The following ATRN variants were observed in gnomAD, a reference collection of about 807,000 sequenced individuals.
ATRN encodes attractin-2.
In ATRN, 54 loss-of-function variants were observed where a neutral mutation model predicts 178.7. That is an observed-to-expected ratio of 0.30 (90% CI 0.24 to 0.38). The LOEUF (loss-of-function observed/expected upper bound fraction) is 0.38. Ranked by LOEUF, ATRN falls within the 10% of genes least tolerant of loss-of-function variation. The pLI is 1.00. For missense variants in ATRN, 1,443 were observed against 1,815.1 expected (o/e 0.79, Z 3.73); for synonymous variants, 636 against 663.0 (o/e 0.96, Z 0.63).
In ATRN at chr20:3,545,824, G is replaced by A; in HGVS notation, c.671G>A (p.Gly224Asp). The A allele has an allele frequency of 1.2e-6, 2 of 1,614,088 alleles. No individual in the cohort carries two copies. The highest frequency in any genetic ancestry group is 4.5e-5 in the East Asian group (2 of 44,872). The change falls in exon 4 of 29, where the codon GGT becomes GAT. Residue 224 changes from glycine (G) to aspartate (D), a missense_variant. Transcript: ENST00000262919. Reference protein sequence around the residue: ...ETVPEVVATSGYALLHFFSDA... With the variant: ...ETVPEVVATSDYALLHFFSDA... ...GTCCCTGAGGTTGTTGCCACATCAG[G>A]TTATGCCTTGCTGCATTTTTTTAGT...
chr20:3,608,418 TG>T (rs2086708166), intron 24 of ATRN, among the ~76,000 whole-genome samples: 1 of 152,218 alleles, frequency 6.6e-6, no homozygotes, highest in Admixed American at 6.5e-5. Flanking sequence ...GTTATTTTTC[TG>T]CACGTGGATA....
At chr20:3,583,046 G>C (rs1013584855) in intron 16 of ATRN, among the ~76,000 whole-genome samples, 6 of 152,214 alleles carry the variant, frequency 3.9e-5, no homozygotes, top group Admixed American at 3.9e-4. Flanking sequence ...TGGGAGGCTG[G>C]ACTCCATTTG....
chr20:3,577,405 C>T (rs1458370908), intron 14 of ATRN, among the ~76,000 whole-genome samples: 1 of 152,114 alleles, frequency 6.6e-6, no homozygotes, highest in African/African-American at 2.4e-5. Flanking sequence ...TGGGCCTTCT[C>T]TGAGAAGGAG....
At chr20:3,527,180 A>G (rs964735819) in intron 1 of ATRN, among the ~76,000 whole-genome samples, 2 of 152,232 alleles carry the variant, frequency 1.3e-5, no homozygotes, top group Admixed American at 6.5e-5. Context: ...CAATCTATCC[A>G]TCTGACAAAG....
intron 11 of ATRN, among the ~76,000 whole-genome samples, chr20:3,568,985 A>C (rs1411436321): frequency 6.6e-6 from 1 of 152,198 alleles, no homozygotes; most frequent in East Asian, 1.9e-4. Context: ...TAGTTGAAAC[A>C]AGAAGGGAGA....
rs182127909 is a variant in ATRN, at chr20:3,556,611, G to A, written c.1113-2782G>A. ...GAAGACATCTTTTTCTGAATTTCTG[G>A]AATCTATCTTTGCTTATTTGCTTGC... On this transcript the variant is annotated intron_variant, in intron 6 of 28. Coordinates refer to ENST00000262919, the MANE Select transcript of ATRN (RefSeq NM_139321.3). Among the ~76,000 whole-genome samples, 338 of 152,230 alleles carry A rather than the reference G, an allele frequency of 2.2e-3. 2 individuals carry two copies. The highest frequency in any genetic ancestry group is 7.8e-3 in the African/African-American group (325 of 41,542).
chr20:3,535,327 T>C lies in ATRN; in HGVS notation c.485T>C (p.Ile162Thr). The C allele has an allele frequency of 2.0e-6, 3 of 1,536,962 alleles. No individual in the cohort carries two copies. Among genetic ancestry groups the C allele is most frequent in the South Asian group, 1.3e-5 (1 of 79,832 alleles). ...TACAAAACGAAGTGCACGTGGCTCATTGAAGGACAGTAAGTAGAAATGGCT... is the reference window on the plus strand; with the variant it reads ...TACAAAACGAAGTGCACGTGGCTCACTGAAGGACAGTAAGTAGAAATGGCT... Reference protein sequence around the residue: ...YKYKTKCTWLIEGQPNRIMRL... With the variant: ...YKYKTKCTWLTEGQPNRIMRL... The change falls in exon 2 of 29, where the codon ATT (isoleucine) becomes ACT (threonine). Residue 162 changes from isoleucine (I) to threonine (T), a missense_variant. By Grantham distance (89) the Ile-to-Thr change is moderately conservative. Coordinates refer to ENST00000262919, the MANE Select transcript of ATRN (RefSeq NM_139321.3).
intron 1 of ATRN, among the ~76,000 whole-genome samples, chr20:3,527,930 GC>G (rs1415362232): frequency 6.0e-5 from 9 of 150,486 alleles, no homozygotes; most frequent in African/African-American, 2.0e-4. Flanking sequence ...AGGGTGGGGG[GC>G]TAGGGGAGGG....
chr20:3,596,468 A>G (rs2086530577), intron 21 of ATRN, 39 bp downstream of exon 21: 3 of 1,569,180 alleles, frequency 1.9e-6, no homozygotes, highest in Non-Finnish European at 1.8e-6. Context: ...GAAGCAAAGT[A>G]GTTCAGTAAA....
chr20:3,615,463 C>T (rs992525883), intron 24 of ATRN, among the ~76,000 whole-genome samples: 5 of 151,372 alleles, frequency 3.3e-5, no homozygotes, highest in African/African-American at 9.7e-5. Context: ...TATGATGAAA[C>T]CCACAAGGCT....
At chr20:3,522,965 C>G (rs186408075) in intron 1 of ATRN, among the ~76,000 whole-genome samples, 1 of 152,122 alleles carries the variant, frequency 6.6e-6, no homozygotes, top group African/African-American at 2.4e-5. Context: ...GAAAAACCAG[C>G]GCAAAAAGGC....
Position 3,584,787 on chromosome 20 carries a change from G to T in ATRN, c.3091G>T (p.Ala1031Ser). The stretch of plus-strand genomic sequence containing the variant: ...AGGACCAGTGAAGATGCCTTCGCAA[G>T]CCCCTACAGGAAATTTCTATCCACA... The part of the protein sequence containing the change: ...YKGPVKMPSQ[A>S]PTGNFYPQPL... Residue 1031 changes from alanine (A) to serine (S), a missense_variant, in exon 18 of 29, where the codon GCC becomes TCC. Around this residue, in one of 4 missense-constraint regions of ATRN, gnomAD observed 80 missense variants for 71.5 expected, o/e 1.12. Transcript: ENST00000262919. 1 of 1,614,196 alleles carries T rather than the reference G, an allele frequency of 6.2e-7. No individual in the cohort carries two copies. The highest frequency in any genetic ancestry group is 1.3e-5 in the African/African-American group (1 of 75,052).
intron 25 of ATRN, among the ~76,000 whole-genome samples, chr20:3,631,874 G>A (rs542609432): frequency 6.6e-6 from 1 of 152,208 alleles, no homozygotes; most frequent in Non-Finnish European, 1.5e-5. Context: ...GATTATGCGT[G>A]GAAGCCAAGA....
chr20:3,474,663 C>T (rs1186256295), intron 1 of ATRN, among the ~76,000 whole-genome samples: 3 of 151,054 alleles, frequency 2.0e-5, no homozygotes, highest in African/African-American at 7.3e-5. Context: ...GCCGAGATCG[C>T]ACCACTGCAC....
At position 3,600,903 on chromosome 20, in the gene ATRN, A is replaced by C. The variant is rs187097975; in HGVS notation, c.3565-43A>C. On this transcript the variant is annotated intron_variant, in intron 22 of 28. Transcript: ENST00000262919. ...TTATTGCTTTATTTTAAAATCTAGA[A>C]ATTGTTTTAATTAATTTTCTAATAA... 7.0e-5 allele frequency: 106 copies of C among 1,520,692 alleles called. No individual in the cohort carries two copies. The African/African-American group carries it at 1.2e-3, about 17-fold the overall frequency. 94.2% of individuals were successfully genotyped at this position (1,520,692 alleles called of 1,614,324 possible).
intron 24 of ATRN, among the ~76,000 whole-genome samples, chr20:3,611,388 A>G (rs975810800): frequency 1.3e-5 from 2 of 151,026 alleles, no homozygotes; most frequent in South Asian, 2.1e-4. Flanking sequence ...ATGAATAGAC[A>G]TTTAACCAAA....
At chr20:3,610,520 G>A (rs142273297) in intron 24 of ATRN, among the ~76,000 whole-genome samples, 1,658 of 149,800 alleles carry the variant, frequency 0.011, 19 homozygotes, top group Middle Eastern at 0.036. Context: ...TCAGCCTCCT[G>A]AATAACTGGG....
intron 27 of ATRN, among the ~76,000 whole-genome samples, chr20:3,642,221 C>A (rs1434296135): frequency 6.6e-6 from 1 of 152,210 alleles, no homozygotes; most frequent in Non-Finnish European, 1.5e-5. Flanking sequence ...TTCACTATCA[C>A]AGGTTTAAGT....
chr20:3,478,074 T>C (rs942486827), intron 1 of ATRN, among the ~76,000 whole-genome samples: 4 of 152,232 alleles, frequency 2.6e-5, no homozygotes, highest in Non-Finnish European at 4.4e-5. Context: ...TTTTCTGCTC[T>C]CACACTGTAT....
Sources: allele counts gnomAD v4.1 joint callset (sites outside exome capture counted in the v4.1 genomes callset), GRCh38; gene constraint gnomAD v4.1.1; regional missense constraint gnomAD v4.1.1; transcripts MANE v1.5; gene names NCBI Gene and HGNC (gene_info 2026-07-23, HGNC 2026-07-21).